The following NWD1 variants were observed in gnomAD, a reference collection of about 807,000 sequenced individuals.
NWD1 encodes the protein NACHT and WD repeat domain containing 1.
Under a neutral mutation model 135.1 loss-of-function variants are expected in NWD1, and 129 were observed. The ratio of observed to expected loss-of-function variants is 0.96; its 90% CI spans 0.83 to 1.11. The LOEUF is 1.11. NWD1 is among the 50% of genes least tolerant of loss of function. The probability of loss-of-function intolerance (pLI) is 0.00; values close to 1 mark genes in which losing one functional copy is unlikely to be tolerated. For synonymous variants in NWD1, 773 were observed against 786.0 expected, an observed-to-expected ratio of 0.98 and a Z score of 0.28; for missense variants, 1,740 against 1,851.3, an observed-to-expected ratio of 0.94 and a Z score of 1.10.
In NWD1 at chr19:16,765,031, C is replaced by T. The variant is rs1375499204; in HGVS notation, c.2252-3C>T. On this transcript the variant is annotated splice_polypyrimidine_tract_variant and splice_region_variant and intron_variant, in intron 9 of 18. Coordinates refer to ENST00000524140, the MANE Select transcript of NWD1 (RefSeq NM_001007525.5). Reference sequence around the variant, plus strand: ...CCACATCCTCCCCCCTTCTCTCCCTCAGGCAGCATGAGCTGGATTTCCTGC... The same window carrying T: ...CCACATCCTCCCCCCTTCTCTCCCTTAGGCAGCATGAGCTGGATTTCCTGC... The T allele has an allele frequency of 6.2e-7, 1 of 1,614,068 alleles. No individual in the cohort carries two copies. Among genetic ancestry groups the T allele is most frequent in the East Asian group, 2.2e-5 (1 of 44,886 alleles).
At chr19:16,721,369 G>A (rs994146271) in intron 1 of NWD1, 4 of 152,112 alleles carry the variant, frequency 2.6e-5, no homozygotes, top group Non-Finnish European at 5.9e-5. Context: ...CAAGGTCAAA[G>A]ACTCTTATCC....
At chr19:16,798,037 C>A in intron 16 of NWD1, 151 bp downstream of exon 16, 1 of 689,190 alleles carries the variant, frequency 1.5e-6, no homozygotes, top group East Asian at 2.6e-5. Context: ...GGGGTGTATC[C>A]TCCGCCCCAG....
intron 10 of NWD1, among the ~76,000 whole-genome samples, chr19:16,771,470 GAGA>G (rs1321610609): frequency 6.6e-6 from 1 of 152,134 alleles, no homozygotes; most frequent in Non-Finnish European, 1.5e-5. Context: ...AATAAATAAA[GAGA>G]AGGAGATGGA....
At chr19:16,734,429 G>A (rs948788756) in intron 3 of NWD1, among the ~76,000 whole-genome samples, 3 of 151,704 alleles carry the variant, frequency 2.0e-5, no homozygotes, top group African/African-American at 7.3e-5. Flanking sequence ...CAGCTACTCC[G>A]GAGGCTGAGG....
At chr19:16,807,532 G>A in intron 17 of NWD1, 54 bp from the exon 18 acceptor site, 1 of 1,405,496 alleles carries the variant, frequency 7.1e-7, no homozygotes, top group Non-Finnish European at 9.7e-7. Context: ...AGGGAAGCAG[G>A]GCTGCTGTGA....
In NWD1 at chr19:16,744,540, A is replaced by G. The variant is rs1044015898; in HGVS notation, c.318A>G (p.Arg106=). Residue 106 remains arginine (R), a synonymous_variant, in exon 5 of 19, where the codon CGA becomes CGG. Coordinates refer to ENST00000524140, the MANE Select transcript of NWD1 (RefSeq NM_001007525.5). ...CAAGTGACCTGGAGCTGGTGGCACG[A>G]TACTTCCAGAGGGACGAGAATGCGT... The part of the protein sequence containing the change: ...ARPSDLELVA[R]YFQRDENAFP... 57 of 1,535,902 alleles carry G rather than the reference A, an allele frequency of 3.7e-5. No individual in the cohort carries two copies. The highest frequency in any genetic ancestry group is 4.7e-5 in the Non-Finnish European group (54 of 1,146,896).
At chr19:16,773,764 T>TCTTC (rs1969496902) in intron 11 of NWD1, among the ~76,000 whole-genome samples, 1 of 152,082 alleles carries the variant, frequency 6.6e-6, no homozygotes, top group South Asian at 2.1e-4. Context: ...TTCATTTTTT[T>TCTTC]CTTCCTTCCA....
Position 16,762,120 on chromosome 19 carries a change from A to G in NWD1, c.2115A>G (p.Pro705=). 1 of 1,613,780 alleles carries G rather than the reference A, an allele frequency of 6.2e-7. No homozygotes were observed. Among genetic ancestry groups the G allele is most frequent in the Non-Finnish European group, 8.5e-7 (1 of 1,179,822 alleles). The change falls in exon 8 of 19, where the codon CCA becomes CCG. Residue 705 remains proline (P), a synonymous_variant. Transcript: ENST00000524140. The part of the protein sequence containing the change: ...KLITLPLVGK[P]LNLDRKVAPQ... Reference sequence around the variant, plus strand: ...TCACTCTGCCACTTGTGGGGAAACCACTGAACTTGGACCGAAAGGTGAGGT... The same window carrying G: ...TCACTCTGCCACTTGTGGGGAAACCGCTGAACTTGGACCGAAAGGTGAGGT...
intron 2 of NWD1, among the ~76,000 whole-genome samples, chr19:16,724,935 C>T (rs1334969743): frequency 6.6e-6 from 1 of 151,866 alleles, no homozygotes; most frequent in East Asian, 1.9e-4. Flanking sequence ...CTCAGGTGGT[C>T]CACCCACCTC....
intron 10 of NWD1, among the ~76,000 whole-genome samples, chr19:16,771,515 A>G (rs1969410075): frequency 6.6e-6 from 1 of 152,236 alleles, no homozygotes; most frequent in Non-Finnish European, 1.5e-5. Flanking sequence ...ATTTAAGGCA[A>G]CTGGAAAGAA....
chr19:16,747,633 A>G (rs563007163), intron 5 of NWD1, among the ~76,000 whole-genome samples: 1 of 152,174 alleles, frequency 6.6e-6, no homozygotes, highest in East Asian at 1.9e-4. Context: ...TCTGCCTCCC[A>G]AAGTGCTGAG....
intron 2 of NWD1, among the ~76,000 whole-genome samples, chr19:16,728,879 G>T (rs568918132): frequency 6.7e-6 from 1 of 149,536 alleles, no homozygotes; most frequent in Admixed American, 6.8e-5. Context: ...AGGAGGCGGA[G>T]CTTGCAGCGA....
intron 8 of NWD1, 42 bp downstream of exon 8, chr19:16,762,180 C>T: frequency 6.3e-7 from 1 of 1,585,420 alleles, no homozygotes; most frequent in South Asian, 1.1e-5. Context: ...GCAACCTCCA[C>T]CCTGCCTGGC....
At chr19:16,760,750 C>A (rs1968978794) in intron 7 of NWD1, among the ~76,000 whole-genome samples, 1 of 151,942 alleles carries the variant, frequency 6.6e-6, no homozygotes, top group African/African-American at 2.4e-5. Context: ...GCCACCACAC[C>A]CAGCTAATTT....
At chr19:16,737,964 C>CAAAAAGAAAAGAAAA (rs147713373) in intron 4 of NWD1, among the ~76,000 whole-genome samples, 3 of 124,636 alleles carry the variant, frequency 2.4e-5, no homozygotes, top group Admixed American at 8.1e-5. Flanking sequence ...GACTCTATCT[C>CAAAAAGAAAAGAAAA]GAAAAGAAAA....
chr19:16,755,101 T>C (rs1968737515), intron 6 of NWD1, among the ~76,000 whole-genome samples: 1 of 152,198 alleles, frequency 6.6e-6, no homozygotes, highest in South Asian at 2.1e-4. Flanking sequence ...AAATGATCTA[T>C]TTATCTATCA....
intron 10 of NWD1, among the ~76,000 whole-genome samples, chr19:16,767,453 A>G (rs1251973374): frequency 6.6e-6 from 1 of 152,058 alleles, no homozygotes; most frequent in Non-Finnish European, 1.5e-5. Context: ...CAGCTCTACT[A>G]AAAATACAAA....
Position 16,732,654 on chromosome 19 carries a change from C to CAGAAA in NWD1, c.81+1377_81+1378insGAAAA, listed in dbSNP as rs1555716292. ...TGGATGACAGAGCAAGACTTCATCT[C>CAGAAA]AAAAAAAAAAAAAAAGAAAAAGTGA... On this transcript the variant is annotated intron_variant, in intron 3 of 18. Transcript: ENST00000524140. Among the ~76,000 whole-genome samples, 2 of 30,310 alleles carry CAGAAA rather than the reference C, an allele frequency of 6.6e-5. 1 individual carries two copies. Among genetic ancestry groups the CAGAAA allele is most frequent in the African/African-American group, 6.2e-4 (2 of 3,248 alleles). 19.9% of individuals were successfully genotyped at this position (30,310 alleles called of 152,430 possible).
intron 5 of NWD1, among the ~76,000 whole-genome samples, chr19:16,745,508 C>T (rs112114398): frequency 0.041 from 6,215 of 151,206 alleles, 427 homozygotes; most frequent in African/African-American, 0.14. Flanking sequence ...GCAGGAGAAT[C>T]ACTTGAGTTC....
Sources: allele counts gnomAD v4.1 joint callset (sites outside exome capture counted in the v4.1 genomes callset), GRCh38; gene constraint gnomAD v4.1.1; transcripts MANE v1.5; gene names NCBI Gene and HGNC (gene_info 2026-07-23, HGNC 2026-07-21).